PLEKHM3: variants seen among roughly 807,000 people sequenced by gnomAD.
The protein encoded by PLEKHM3 is pleckstrin homology domain containing M3.
PLEKHM3 carries 45 observed loss-of-function variants against 81.8 expected under a neutral mutation model. The ratio of observed to expected loss-of-function variants is 0.55; its 90% CI spans 0.43 to 0.71. The LOEUF (loss-of-function observed/expected upper bound fraction) is 0.71. Among genes scored for constraint, PLEKHM3 ranks in the 30% least tolerant of loss-of-function variants. PLEKHM3 has a pLI of 0.00. For synonymous variants in PLEKHM3, 352 were observed against 356.4 expected, an observed-to-expected ratio of 0.99 and a Z score of 0.14; for missense variants, 788 against 924.3, an observed-to-expected ratio of 0.85 and a Z score of 1.91.
chr2:207,959,252 A>C (rs1453508085), intron 3 of PLEKHM3, among the ~76,000 whole-genome samples: 1 of 152,174 alleles, frequency 6.6e-6, no homozygotes, highest in African/African-American at 2.4e-5. Context: ...TGTATGCTGC[A>C]CTTAACATTT....
intron 1 of PLEKHM3, among the ~76,000 whole-genome samples, chr2:208,016,402 T>TG (rs1294157151): frequency 1.8e-4 from 28 of 151,754 alleles, no homozygotes; most frequent in Admixed American, 1.8e-3. Flanking sequence ...CCCAGCACTT[T>TG]GGGGGGAGAT....
chr2:207,865,798 AAAAAGATATAT>A (rs1481798281), intron 6 of PLEKHM3, among the ~76,000 whole-genome samples: 9 of 44,394 alleles, frequency 2.0e-4, no homozygotes, highest in African/African-American at 1.1e-3. Flanking sequence ...AAAAAAAAAA[AAAAAGATATAT>A]ATATATATAT....
At chr2:207,836,963 C>A (rs1467678028) in intron 7 of PLEKHM3, among the ~76,000 whole-genome samples, 1 of 152,178 alleles carries the variant, frequency 6.6e-6, no homozygotes, top group Admixed American at 6.5e-5. Flanking sequence ...GAAATAAGTG[C>A]ACGTTATCAG....
intron 3 of PLEKHM3, among the ~76,000 whole-genome samples, chr2:207,960,741 C>T (rs557145797): frequency 1.3e-5 from 2 of 152,250 alleles, no homozygotes; most frequent in South Asian, 4.1e-4. Context: ...GCTAAAGGGG[C>T]TGCCTGGAAA....
intron 6 of PLEKHM3, among the ~76,000 whole-genome samples, chr2:207,874,142 C>T (rs1472171545): frequency 6.6e-6 from 1 of 152,064 alleles, no homozygotes; most frequent in Non-Finnish European, 1.5e-5. Context: ...CCTGTACATC[C>T]GGAATATGGA....
chr2:207,893,443 G>C (rs925244434), intron 6 of PLEKHM3, among the ~76,000 whole-genome samples: 4 of 152,152 alleles, frequency 2.6e-5, no homozygotes, highest in Admixed American at 6.5e-5. Flanking sequence ...AGAGATTTTT[G>C]CTATCTTTTG....
rs1377012119 is a variant in PLEKHM3, at chr2:208,000,979, C to A, written c.610+51G>T. On this transcript the variant is annotated intron_variant, in intron 2 of 7. Coordinates refer to ENST00000427836, the MANE Select transcript of PLEKHM3 (RefSeq NM_001080475.3). Reference sequence around the variant, plus strand: ...ACATACAAGCTTATCTGAGTCACAGCCCCAAAAAGAAAAAAAAAAAAAAGG... The same window carrying A: ...ACATACAAGCTTATCTGAGTCACAGACCCAAAAAGAAAAAAAAAAAAAAGG... The A allele has an allele frequency of 2.2e-6, 3 of 1,388,978 alleles. No individual in the cohort carries two copies. The South Asian group carries it at 4.8e-5, about 22-fold the overall frequency. The allele number at this position is 1,388,978 out of a possible 1,614,324, so 86.0% of individuals were successfully genotyped here.
intron 5 of PLEKHM3, among the ~76,000 whole-genome samples, chr2:207,914,411 T>C (rs192577322): frequency 0.014 from 2,198 of 152,022 alleles, 22 homozygotes; most frequent in Admixed American, 0.029. Flanking sequence ...GGCAGGAGAA[T>C]TGATTGAACC....
At chr2:207,943,101 G>A (rs1689998460) in intron 4 of PLEKHM3, among the ~76,000 whole-genome samples, 1 of 152,004 alleles carries the variant, frequency 6.6e-6, no homozygotes, top group Admixed American at 6.6e-5. Context: ...GGAAAGAGAA[G>A]TTCTAGTATT....
chr2:207,839,858 T>C (rs1401827349), intron 7 of PLEKHM3, among the ~76,000 whole-genome samples: 1 of 151,886 alleles, frequency 6.6e-6, no homozygotes, highest in Non-Finnish European at 1.5e-5. Flanking sequence ...GACTGGGAGG[T>C]CAAGGCTGCC....
At chr2:207,981,547 C>A (rs1298398824) in intron 2 of PLEKHM3, among the ~76,000 whole-genome samples, 2 of 152,098 alleles carry the variant, frequency 1.3e-5, no homozygotes, top group Non-Finnish European at 2.9e-5. Context: ...GAATCTTACT[C>A]TGTTGCCCCA....
rs147772148 is a variant in PLEKHM3, at chr2:207,991,657, TG to T, written c.610+9372del. On this transcript the variant is annotated intron_variant, in intron 2 of 7. Coordinates refer to ENST00000427836, the MANE Select transcript of PLEKHM3 (RefSeq NM_001080475.3). ...TCTCTCTCTTCCTGGTTTTTACTGTTGGTATTTAAGAAAATGATCCTAACAC... is the reference window on the plus strand; with the variant it reads ...TCTCTCTCTTCCTGGTTTTTACTGTTGTATTTAAGAAAATGATCCTAACAC... Among the ~76,000 whole-genome samples, 257 of 152,240 alleles carry T rather than the reference TG, an allele frequency of 1.7e-3. 2 individuals carry two copies. Among genetic ancestry groups the T allele is most frequent in the Non-Finnish European group, 3.2e-3 (215 of 68,000 alleles).
chr2:208,004,712 T>G (rs536174653), intron 1 of PLEKHM3, among the ~76,000 whole-genome samples: 1 of 152,168 alleles, frequency 6.6e-6, no homozygotes, highest in Non-Finnish European at 1.5e-5. Context: ...ATTGTTCATA[T>G]GACCCTCCCT....
chr2:207,950,737 T>C (rs1284618634), intron 3 of PLEKHM3, among the ~76,000 whole-genome samples: 1 of 152,148 alleles, frequency 6.6e-6, no homozygotes, highest in Non-Finnish European at 1.5e-5. Context: ...AAGCTCAGAA[T>C]TTGTCACACA....
intron 7 of PLEKHM3, chr2:207,851,822 G>C (rs147937463): frequency 0.014 from 2,052 of 151,828 alleles, 14 homozygotes; most frequent in Middle Eastern, 0.056. Context: ...CTTCTGAATG[G>C]AGGGGAGGTT....
rs720631 is a variant in PLEKHM3 at position 207,828,583 on chromosome 2, T to A, written c.2109-87A>T. The A allele has an allele frequency of 8.9e-4, 1,195 of 1,345,586 alleles. 4 individuals carry two copies. The highest frequency in any genetic ancestry group is 1.1e-3 in the Non-Finnish European group (1,027 of 977,764). 83.4% of individuals were successfully genotyped at this position (1,345,586 alleles called of 1,614,324 possible). On this transcript the variant is annotated intron_variant, in intron 7 of 7. Transcript: ENST00000427836. The stretch of plus-strand genomic sequence containing the variant: ...GCCCTGTGGCCTCAGGTGCAGCTGG[T>A]GGCACAATCTACTGTTCTGGACAAC...
intron 7 of PLEKHM3, among the ~76,000 whole-genome samples, chr2:207,840,287 G>C (rs2092342830): frequency 6.6e-6 from 1 of 151,870 alleles, no homozygotes; most frequent in Non-Finnish European, 1.5e-5. Context: ...TGGACTCAAG[G>C]GATCCTCCCA....
At chr2:208,014,792 G>A (rs1692827305) in intron 1 of PLEKHM3, among the ~76,000 whole-genome samples, 1 of 152,198 alleles carries the variant, frequency 6.6e-6, no homozygotes, top group Non-Finnish European at 1.5e-5. Flanking sequence ...TTCTGGAGTT[G>A]AATTCTGGGG....
At chr2:207,928,885 T>C (rs1689493386) in intron 5 of PLEKHM3, among the ~76,000 whole-genome samples, 1 of 152,246 alleles carries the variant, frequency 6.6e-6, no homozygotes, top group Admixed American at 6.5e-5. Flanking sequence ...TCACTCATTT[T>C]CTTATTCACT....
Sources: gnomAD v4.1 joint callset for allele counts (sites outside exome capture counted in the v4.1 genomes callset) on GRCh38, gnomAD v4.1.1 for gene constraint, MANE v1.5 for transcripts, NCBI Gene and HGNC (gene_info 2026-07-23, HGNC 2026-07-21) for gene names.